The following MYO1D variants were observed in gnomAD, a reference collection of about 807,000 sequenced individuals.
The protein encoded by MYO1D is myosin ID.
Under a neutral mutation model 122.0 loss-of-function variants are expected in MYO1D, and 83 were observed. The ratio of observed to expected loss-of-function variants is 0.68; its 90% CI spans 0.57 to 0.82. MYO1D has a LOEUF of 0.82. Ranked by LOEUF, MYO1D falls within the 40% of genes least tolerant of loss-of-function variation. The pLI is 0.00. For missense variants in MYO1D, 1,157 were observed against 1,269.5 expected (o/e 0.91, Z 1.35); for synonymous variants, 464 against 446.9 (o/e 1.04, Z -0.48).
At chr17:32,710,325 A>G (rs530394600) in intron 16 of MYO1D, among the ~76,000 whole-genome samples, 1 of 152,312 alleles carries the variant, frequency 6.6e-6, no homozygotes, top group Non-Finnish European at 1.5e-5. Context: ...TAAAAGTGGC[A>G]CTGCAAATCA....
intron 1 of MYO1D, among the ~76,000 whole-genome samples, chr17:32,832,841 A>C (rs751937940): frequency 1.9e-4 from 29 of 152,256 alleles, no homozygotes; most frequent in Non-Finnish European, 3.7e-4. Flanking sequence ...ACAAAGAACT[A>C]AGAACTTTTA....
chr17:32,553,766 TTTC>T (rs1240627449), intron 21 of MYO1D, among the ~76,000 whole-genome samples: 4 of 152,130 alleles, frequency 2.6e-5, no homozygotes, highest in Non-Finnish European at 4.4e-5. Context: ...TGGCCATGTT[TTTC>T]TTCTTCTTCT....
chr17:32,724,605 C>T (rs573200289), intron 14 of MYO1D, among the ~76,000 whole-genome samples: 1 of 152,092 alleles, frequency 6.6e-6, no homozygotes, highest in Non-Finnish European at 1.5e-5. Context: ...TAGATGGGAT[C>T]TGAGTAGTGA....
chr17:32,521,032 T>G (rs1910119158), intron 21 of MYO1D, among the ~76,000 whole-genome samples: 1 of 152,198 alleles, frequency 6.6e-6, no homozygotes, highest in South Asian at 2.1e-4. Context: ...TAACACACAA[T>G]GTTTCCATTG....
intron 15 of MYO1D, among the ~76,000 whole-genome samples, chr17:32,717,072 A>C (rs1443759957): frequency 1.3e-5 from 2 of 152,242 alleles, no homozygotes; most frequent in Admixed American, 1.3e-4. Context: ...CACTGTAGAA[A>C]ATATTATCTT....
chr17:32,604,094 C>G (rs1365922395), intron 21 of MYO1D, among the ~76,000 whole-genome samples: 2 of 151,460 alleles, frequency 1.3e-5, no homozygotes, highest in Non-Finnish European at 2.9e-5. Context: ...ATGCTCTATA[C>G]ATTTATCAGC....
chr17:32,614,900 G>A (rs1184962966), intron 20 of MYO1D, among the ~76,000 whole-genome samples: 3 of 152,172 alleles, frequency 2.0e-5, no homozygotes, highest in Admixed American at 6.5e-5. Context: ...TCTGCCAGCC[G>A]GGGCCAGACA....
intron 16 of MYO1D, among the ~76,000 whole-genome samples, chr17:32,661,688 T>C (rs947262283): frequency 1.3e-5 from 2 of 151,372 alleles, no homozygotes; most frequent in Admixed American, 1.3e-4. Flanking sequence ...AAAAACCACG[T>C]ATATTATGAT....
At chr17:32,782,121 T>C (rs191388722) in intron 1 of MYO1D, among the ~76,000 whole-genome samples, 7 of 152,350 alleles carry the variant, frequency 4.6e-5, no homozygotes, top group Non-Finnish European at 7.3e-5. Context: ...GAACCTTAAA[T>C]TTCCTTTAAG....
chr17:32,522,147 C>G (rs928571283), intron 21 of MYO1D, among the ~76,000 whole-genome samples: 1 of 148,660 alleles, frequency 6.7e-6, no homozygotes, highest in African/African-American at 2.5e-5. Flanking sequence ...ATATTCAGGT[C>G]GAATAAAATT....
intron 21 of MYO1D, among the ~76,000 whole-genome samples, chr17:32,553,399 C>T (rs903928484): frequency 6.6e-6 from 1 of 152,132 alleles, no homozygotes; most frequent in Non-Finnish European, 1.5e-5. Flanking sequence ...AGGAGTGGCT[C>T]ACCAGGAAGA....
At chr17:32,722,390 G>GT (rs1270054132) in intron 14 of MYO1D, among the ~76,000 whole-genome samples, 2 of 152,194 alleles carry the variant, frequency 1.3e-5, no homozygotes, top group Non-Finnish European at 2.9e-5. Flanking sequence ...CAGGGTTGGT[G>GT]TTTTTGGGAG....
At chr17:32,783,253 A>G (rs1172594325) in intron 1 of MYO1D, among the ~76,000 whole-genome samples, 1 of 152,156 alleles carries the variant, frequency 6.6e-6, no homozygotes, top group Non-Finnish European at 1.5e-5. Flanking sequence ...AGATTAGACT[A>G]TTTTAAGATT....
intron 21 of MYO1D, among the ~76,000 whole-genome samples, chr17:32,503,721 C>T (rs899676754): frequency 2.0e-5 from 3 of 152,320 alleles, no homozygotes; most frequent in African/African-American, 7.2e-5. Flanking sequence ...GGCCGTCCTC[C>T]ATCTGGATGT....
chr17:32,832,745 A>G (rs1011615748), intron 1 of MYO1D, among the ~76,000 whole-genome samples: 1 of 152,254 alleles, frequency 6.6e-6, no homozygotes, highest in Non-Finnish European at 1.5e-5. Context: ...TTGACGTGAG[A>G]AAAAGGCATG....
intron 16 of MYO1D, among the ~76,000 whole-genome samples, chr17:32,682,682 A>G (rs2088938541): frequency 1.0e-5 from 1 of 97,644 alleles, no homozygotes; most frequent in Non-Finnish European, 2.0e-5. Context: ...GCTGCCCTTA[A>G]CATTTTTTTC....
chr17:32,690,049 C>G (rs896100162), intron 16 of MYO1D, among the ~76,000 whole-genome samples: 1 of 152,072 alleles, frequency 6.6e-6, no homozygotes, highest in Non-Finnish European at 1.5e-5. Flanking sequence ...TGTATAGATA[C>G]ATCATAACTT....
chr17:32,787,561 G>A (rs2090310477), intron 1 of MYO1D, among the ~76,000 whole-genome samples: 1 of 152,072 alleles, frequency 6.6e-6, no homozygotes, highest in Non-Finnish European at 1.5e-5. Flanking sequence ...TGGGACTACA[G>A]GCGCCCACCA....
chr17:32,731,307 T>C (rs2089636493), intron 14 of MYO1D, among the ~76,000 whole-genome samples: 2 of 152,264 alleles, frequency 1.3e-5, no homozygotes. Context: ...TCTTCAGCTT[T>C]ATGTAAACTG....
Sources: gnomAD v4.1 joint callset for allele counts (sites outside exome capture counted in the v4.1 genomes callset) on GRCh38, gnomAD v4.1.1 for gene constraint, MANE v1.5 for transcripts, NCBI Gene and HGNC (gene_info 2026-07-23, HGNC 2026-07-21) for gene names.